The following ATP6V0A2 variants were observed in gnomAD, a reference collection of about 807,000 sequenced individuals.
ATP6V0A2 encodes the protein V-type proton ATPase 116 kDa subunit a 2.
A neutral mutation model predicts 104.4 loss-of-function variants in ATP6V0A2; 58 were observed. The observed-to-expected ratio is 0.56, with a 90% confidence interval of 0.45 to 0.69. The LOEUF (loss-of-function observed/expected upper bound fraction) is 0.69. Ranked by LOEUF, ATP6V0A2 falls within the 30% of genes least tolerant of loss-of-function variation. The probability of loss-of-function intolerance (pLI) is 0.00; values close to 1 mark genes in which losing one functional copy is unlikely to be tolerated. For missense variants in ATP6V0A2, 938 were observed against 1,062.9 expected (o/e 0.88, Z 1.63); for synonymous variants, 376 against 397.9 (o/e 0.95, Z 0.65).
At chr12:123,754,317 C>T (rs554587143) in intron 17 of ATP6V0A2, 103 bp from the exon 18 acceptor site, 21 of 897,538 alleles carry the variant, frequency 2.3e-5, no homozygotes, top group Non-Finnish European at 3.2e-5. Flanking sequence ...AGCATCCAGC[C>T]GGCAGCTCTT....
At chr12:123,735,231 C>A (rs960759905) in intron 7 of ATP6V0A2, among the ~76,000 whole-genome samples, 1 of 151,778 alleles carries the variant, frequency 6.6e-6, no homozygotes, top group Non-Finnish European at 1.5e-5. Flanking sequence ...TTCAGTGATT[C>A]CCAGCCCAAG....
chr12:123,758,255 A>G lies in ATP6V0A2; in HGVS notation c.*223A>G. 2.3e-6 allele frequency: 1 copy of G among 433,232 alleles called. No homozygotes were observed. Among genetic ancestry groups the G allele is most frequent in the Non-Finnish European group, 4.1e-6 (1 of 244,892 alleles). The allele number at this position is 433,232 out of a possible 1,614,324, so 26.8% of individuals were successfully genotyped here. A position where few individuals can be genotyped will look rare whatever the true frequency, so the allele number is the denominator to read the frequency against. On this transcript the variant is annotated 3_prime_UTR_variant, in exon 20 of 20. Coordinates refer to ENST00000330342, the MANE Select transcript of ATP6V0A2 (RefSeq NM_012463.4). ...TTCTTTTGGTTTTTTATGATGAGCA[A>G]ATATAAGTTAATGCCAAACGTTATG...
rs763648254 is a variant in ATP6V0A2, at chr12:123,726,224, T to C, written c.460T>C (p.Ser154Pro). The change falls in exon 5 of 20, where the codon TCC (serine) becomes CCC (proline). Residue 154 changes from serine to proline, a missense_variant. By Grantham distance (74) the Ser-to-Pro change is moderately conservative. Coordinates refer to ENST00000330342, the MANE Select transcript of ATP6V0A2 (RefSeq NM_012463.4). Reference protein sequence around the residue: ...EFEPTYEEFPSLESDSLLDYS... With the variant: ...EFEPTYEEFPPLESDSLLDYS... ...TGAACCCACTTATGAAGAATTCCCT[T>C]CCTTAGAGAGTGATTCTTTGTTGGA... 5 of 1,613,630 alleles carry C rather than the reference T, an allele frequency of 3.1e-6. No homozygotes were observed. The highest frequency in any genetic ancestry group is 4.2e-6 in the Non-Finnish European group (5 of 1,179,526).
intron 4 of ATP6V0A2, 45 bp downstream of exon 4, chr12:123,724,836 C>A (rs1447849419): frequency 3.8e-6 from 6 of 1,582,192 alleles, no homozygotes; most frequent in Non-Finnish European, 5.2e-6. Context: ...TTATAAACAG[C>A]TTTTTATAAA....
chr12:123,724,464 G>A lies in ATP6V0A2; in HGVS notation c.295-190G>A, dbSNP rs149640118. ...GAATCGCTTGAACCCAGGAGGTGGA[G>A]GTTGCAGTGAGCCGAGATCATGCCA... On this transcript the variant is annotated intron_variant, in intron 3 of 19. Coordinates refer to ENST00000330342, the MANE Select transcript of ATP6V0A2 (RefSeq NM_012463.4). 0.011 allele frequency: 5,448 copies of A among 505,588 alleles called. 147 individuals carry two copies. The highest frequency in any genetic ancestry group is 0.055 in the African/African-American group (2,816 of 51,044). 31.3% of individuals were successfully genotyped at this position (505,588 alleles called of 1,614,324 possible).
At chr12:123,753,392 C>G (rs148134134) in intron 17 of ATP6V0A2, among the ~76,000 whole-genome samples, 1 of 152,232 alleles carries the variant, frequency 6.6e-6, no homozygotes, top group African/African-American at 2.4e-5. Context: ...CTCACAGCCC[C>G]GGAGGCTGGC....
chr12:123,719,373 C>T (rs1956374879), intron 2 of ATP6V0A2, among the ~76,000 whole-genome samples: 1 of 151,092 alleles, frequency 6.6e-6, no homozygotes, highest in African/African-American at 2.4e-5. Flanking sequence ...AGACAGTCAA[C>T]TGAAGGACAA....
rs1247200673 is a variant in ATP6V0A2, at chr12:123,726,205, C to A, written c.441C>A (p.Pro147=). ...TFVKRNVEFE[P]TYEEFPSLES... ...CATATGTTTATTTCTAGTTTGAACC[C>A]ACTTATGAAGAATTCCCTTCCTTAG... is the stretch of plus-strand genomic sequence containing the variant. The change falls in exon 5 of 20, where the codon CCC becomes CCA. Residue 147 remains proline (P), a synonymous_variant. Transcript: ENST00000330342. The A allele has an allele frequency of 1.9e-6, 3 of 1,609,684 alleles. No individual in the cohort carries two copies. Among genetic ancestry groups the A allele is most frequent in the Non-Finnish European group, 2.6e-6 (3 of 1,176,162 alleles).
At chr12:123,712,799 TC>T in intron 1 of ATP6V0A2, 117 bp downstream of exon 1, 1 of 904,050 alleles carries the variant, frequency 1.1e-6, no homozygotes, top group Non-Finnish European at 1.8e-6. Flanking sequence ...GTCCCCATTG[TC>T]CAGACGGGGA....
At chr12:123,751,040 A>G in intron 15 of ATP6V0A2, 70 bp from the exon 16 acceptor site, 3 of 1,601,296 alleles carry the variant, frequency 1.9e-6, no homozygotes, top group Non-Finnish European at 1.7e-6. Flanking sequence ...TCCTGATTTC[A>G]TCGTGTGCTG....
At position 123,724,692 on chromosome 12, in the gene ATP6V0A2, C is replaced by T. The variant is rs763329850; in HGVS notation, c.333C>T (p.Val111=). 2.5e-5 allele frequency: 40 copies of T among 1,613,778 alleles called. No individual in the cohort carries two copies. The highest frequency in any genetic ancestry group is 3.3e-5 in the Non-Finnish European group (39 of 1,179,866). ...AGCTCGAGGTTGAACTGAGAGAAGT[C>T]ACTAAGAACAAGGAGAAACTGAGGA... ...LQKLEVELRE[V]TKNKEKLRKN... Residue 111 remains valine (V), a synonymous_variant, in exon 4 of 20, where the codon GTC becomes GTT. Transcript: ENST00000330342.
At chr12:123,733,760 G>T in intron 6 of ATP6V0A2, 166 bp from the exon 7 acceptor site, 1 of 644,174 alleles carries the variant, frequency 1.6e-6, no homozygotes, top group Non-Finnish European at 2.8e-6. Context: ...TTGGTTTGGG[G>T]CTGTTACTAC....
rs1165536212 is a variant in ATP6V0A2 at position 123,760,764 on chromosome 12, T to C, written c.*2732T>C. On this transcript the variant is annotated 3_prime_UTR_variant, in exon 20 of 20. Transcript: ENST00000330342. ...GGAGTGCAAAGGGTGTTCTGTCTGA[T>C]AGGATCTGGGTGAGCCCTGCGGACT... 6.6e-6 allele frequency: 1 copy of C among 152,218 alleles called. No individual in the cohort carries two copies. The highest frequency in any genetic ancestry group is 1.5e-5 in the Non-Finnish European group (1 of 68,044). 9.4% of individuals were successfully genotyped at this position (152,218 alleles called of 1,614,324 possible). A position where few individuals can be genotyped will look rare whatever the true frequency, so the allele number is the denominator to read the frequency against.
intron 19 of ATP6V0A2, among the ~76,000 whole-genome samples, chr12:123,757,662 A>G (rs1956777398): frequency 6.6e-6 from 1 of 151,984 alleles, no homozygotes. Context: ...GTGGCAGGAG[A>G]GGGTCTCGTT....
At chr12:123,733,648 G>C (rs908339343) in intron 6 of ATP6V0A2, 1 of 456,462 alleles carries the variant, frequency 2.2e-6, no homozygotes, top group East Asian at 4.3e-5. Context: ...GAGCAGAGAT[G>C]GGAAGGGAGA....
rs1412361578 is a variant in ATP6V0A2 at position 123,759,255 on chromosome 12, A to G, written c.*1223A>G. On this transcript the variant is annotated 3_prime_UTR_variant, in exon 20 of 20. Transcript: ENST00000330342. ...TTGAGAACAGTCTAAATATAAATGAAGATATTTTACCATGAAGAGATTGCA... is the reference window on the plus strand; with the variant it reads ...TTGAGAACAGTCTAAATATAAATGAGGATATTTTACCATGAAGAGATTGCA... The G allele has an allele frequency of 2.6e-5, 4 of 151,402 alleles. No homozygotes were observed. Among genetic ancestry groups the G allele is most frequent in the African/African-American group, 9.8e-5 (4 of 40,690 alleles). 9.4% of individuals were successfully genotyped at this position (151,402 alleles called of 1,614,324 possible). A position where few individuals can be genotyped will look rare whatever the true frequency, so the allele number is the denominator to read the frequency against.
chr12:123,721,909 AT>A (rs1956403573), intron 2 of ATP6V0A2, among the ~76,000 whole-genome samples: 1 of 152,206 alleles, frequency 6.6e-6, no homozygotes, highest in Non-Finnish European at 1.5e-5. Context: ...GCCAGCTCCC[AT>A]AGGGGCTATT....
At chr12:123,749,100 G>A (rs895230875) in intron 15 of ATP6V0A2, among the ~76,000 whole-genome samples, 1 of 152,092 alleles carries the variant, frequency 6.6e-6, no homozygotes, top group Non-Finnish European at 1.5e-5. Context: ...GACCAGCCTG[G>A]GCAACACAGC....
chr12:123,744,445 A>G lies in ATP6V0A2; in HGVS notation c.1326+108A>G. On this transcript the variant is annotated intron_variant, in intron 11 of 19. Coordinates refer to ENST00000330342, the MANE Select transcript of ATP6V0A2 (RefSeq NM_012463.4). The surrounding 1 kb of genome is among the most constrained non-coding windows in gnomAD (Gnocchi z 5.4). Reference sequence around the variant, plus strand: ...GCTGTAGGCTGCGGCTGTGCTGGGCAGGTGTGTGGCCTGTCAGCTGCGGCT... The same window carrying G: ...GCTGTAGGCTGCGGCTGTGCTGGGCGGGTGTGTGGCCTGTCAGCTGCGGCT... The G allele has an allele frequency of 2.5e-6, 4 of 1,569,450 alleles. No individual in the cohort carries two copies. Among genetic ancestry groups the G allele is most frequent in the Non-Finnish European group, 3.5e-6 (4 of 1,143,632 alleles).
Sources: gnomAD v4.1 joint callset for allele counts (sites outside exome capture counted in the v4.1 genomes callset) on GRCh38, gnomAD v4.1.1 for gene constraint, Gnocchi (gnomAD v3.1) non-coding constraint, MANE v1.5 for transcripts, NCBI Gene and HGNC (gene_info 2026-07-23, HGNC 2026-07-21) for gene names.